The following ZFHX3 variants were observed in gnomAD, a reference collection of about 807,000 sequenced individuals.
The protein encoded by ZFHX3 is zinc finger homeobox 3, also known as zinc finger homeobox protein 3.
Under a neutral mutation model 279.1 loss-of-function variants are expected in ZFHX3, and 42 were observed. The ratio of observed to expected loss-of-function variants is 0.15; its 90% CI spans 0.12 to 0.19. The LOEUF is 0.19. Among genes scored for constraint, ZFHX3 ranks in the 10% least tolerant of loss-of-function variants. The pLI is 1.00. For missense variants in ZFHX3, 4,981 were observed against 4,754.0 expected, an observed-to-expected ratio of 1.05 and a Z score of -1.40; for synonymous variants, 2,293 against 1,957.8, an observed-to-expected ratio of 1.17 and a Z score of -4.52.
chr16:73,419,821 T>A (rs2017680588), intron 3 of ZFHX3, among the ~76,000 whole-genome samples: 2 of 152,172 alleles, frequency 1.3e-5, no homozygotes, highest in South Asian at 4.1e-4. Flanking sequence ...ACTTTTTGAA[T>A]CTAATGATAC....
intron 3 of ZFHX3, among the ~76,000 whole-genome samples, chr16:73,416,734 T>A (rs192057278): frequency 2.7e-5 from 4 of 149,322 alleles, no homozygotes; most frequent in African/African-American, 9.7e-5. Context: ...ATTAGCCGGG[T>A]GCGGTGGCGG....
At chr16:73,455,547 A>G (rs1323943465) in intron 3 of ZFHX3, among the ~76,000 whole-genome samples, 2 of 152,214 alleles carry the variant, frequency 1.3e-5, no homozygotes, top group Non-Finnish European at 2.9e-5. Context: ...GCAAAAGCTC[A>G]TAATTCAATG....
chr16:73,544,266 G>A (rs565396602), intron 2 of ZFHX3, among the ~76,000 whole-genome samples: 1 of 152,136 alleles, frequency 6.6e-6, no homozygotes, highest in East Asian at 1.9e-4. Context: ...TGCATGTGTC[G>A]GGGCTTCTCT....
chr16:72,807,891 C>T (rs2036318358), intron 7 of ZFHX3: 1 of 152,204 alleles, frequency 6.6e-6, no homozygotes, highest in Non-Finnish European at 1.5e-5. Context: ...ATCCTAGCCA[C>T]TCAGGGACAA....
chr16:73,775,199 AC>A (rs1959218969), intron 1 of ZFHX3, among the ~76,000 whole-genome samples: 1 of 152,182 alleles, frequency 6.6e-6, no homozygotes, highest in East Asian at 1.9e-4. Flanking sequence ...CAAGGTAAGC[AC>A]CTTCAACCCT....
At chr16:73,076,041 T>G (rs1424977172) in intron 8 of ZFHX3, among the ~76,000 whole-genome samples, 1 of 152,138 alleles carries the variant, frequency 6.6e-6, no homozygotes, top group Non-Finnish European at 1.5e-5. Context: ...AACAAATCAC[T>G]TAATCCTCAC....
chr16:73,270,727 A>C (rs2014120318), intron 4 of ZFHX3, among the ~76,000 whole-genome samples: 1 of 152,180 alleles, frequency 6.6e-6, no homozygotes, highest in African/African-American at 2.4e-5. Context: ...CCAGGGAAAG[A>C]GTTTAAAAAC....
chr16:73,483,920 C>G (rs887290345), intron 2 of ZFHX3, among the ~76,000 whole-genome samples: 6 of 139,120 alleles, frequency 4.3e-5, no homozygotes, highest in African/African-American at 8.5e-5. Flanking sequence ...GTTCCCCACC[C>G]TCTGCCTTTG....
chr16:73,203,915 T>C (rs1318985204), intron 5 of ZFHX3, among the ~76,000 whole-genome samples: 1 of 152,178 alleles, frequency 6.6e-6, no homozygotes, highest in Non-Finnish European at 1.5e-5. Context: ...GCTGGAATTG[T>C]TCTAAGAATT....
intron 2 of ZFHX3, among the ~76,000 whole-genome samples, chr16:73,526,326 G>A (rs910737927): frequency 5.3e-5 from 8 of 152,212 alleles, no homozygotes; most frequent in Non-Finnish European, 1.0e-4. Flanking sequence ...CTCTAGCAAG[G>A]CCTTATATTA....
intron 2 of ZFHX3, among the ~76,000 whole-genome samples, chr16:73,633,872 C>T (rs568433632): frequency 1.5e-4 from 22 of 150,440 alleles, no homozygotes; most frequent in South Asian, 6.3e-4. Context: ...CACTCCAGCC[C>T]GGGCGACAGA....
intron 1 of ZFHX3, among the ~76,000 whole-genome samples, chr16:73,042,530 T>TC (rs907457041): frequency 6.6e-6 from 1 of 151,910 alleles, no homozygotes; most frequent in African/African-American, 2.4e-5. Flanking sequence ...ACATGACCCC[T>TC]CCAGTGTGTA....
rs192379988 is a variant in ZFHX3, at chr16:73,841,017, G to A, written c.-1608+50634C>T. On this transcript the variant is annotated intron_variant, in intron 1 of 17. Coordinates refer to the ZFHX3 transcript ENST00000641206. The stretch of plus-strand genomic sequence containing the variant: ...GGAAAGCAGGTGGTGAAAAATGCAT[G>A]TGTTGACTACCATTCTCCAGGCTGG... Among the ~76,000 whole-genome samples, 14 of 152,316 alleles carry A rather than the reference G, an allele frequency of 9.2e-5. No homozygotes were observed. In the East Asian group the frequency reaches 2.7e-3, roughly 29 times the overall value.
chr16:73,011,334 G>A (rs1963911312), intron 1 of ZFHX3, among the ~76,000 whole-genome samples: 1 of 150,388 alleles, frequency 6.6e-6, no homozygotes, highest in Admixed American at 6.6e-5. Flanking sequence ...GTTTCCCTTT[G>A]TTGCCCAGCG....
intron 1 of ZFHX3, among the ~76,000 whole-genome samples, chr16:72,978,336 G>C (rs1962444510): frequency 6.6e-6 from 1 of 152,176 alleles, no homozygotes; most frequent in Non-Finnish European, 1.5e-5. Context: ...TACCGGAACT[G>C]ACACAGCTGG....
intron 3 of ZFHX3, among the ~76,000 whole-genome samples, chr16:73,380,857 C>T (rs1210314960): frequency 2.0e-5 from 3 of 152,086 alleles, no homozygotes; most frequent in South Asian, 2.1e-4. Context: ...GAACTTGGAC[C>T]CAGAGTTATA....
intron 1 of ZFHX3, among the ~76,000 whole-genome samples, chr16:73,839,960 C>A (rs1001017820): frequency 1.3e-5 from 2 of 152,178 alleles, no homozygotes; most frequent in African/African-American, 4.8e-5. Context: ...TTTCCCATTC[C>A]TGGACCCATC....
intron 5 of ZFHX3, among the ~76,000 whole-genome samples, chr16:72,825,491 T>C (rs1241735968): frequency 1.3e-5 from 2 of 152,246 alleles, no homozygotes; most frequent in Non-Finnish European, 2.9e-5. Context: ...CCTGTCTGTA[T>C]ACCTTTTGGC....
chr16:73,590,572 G>T (rs188683360), intron 2 of ZFHX3, among the ~76,000 whole-genome samples: 41 of 152,268 alleles, frequency 2.7e-4, no homozygotes, highest in African/African-American at 9.1e-4. Context: ...TAACATTTCT[G>T]ATGACACTAG....
Sources: allele counts gnomAD v4.1 joint callset (sites outside exome capture counted in the v4.1 genomes callset), GRCh38; gene constraint gnomAD v4.1.1; transcripts MANE v1.5; gene names NCBI Gene and HGNC (gene_info 2026-07-23, HGNC 2026-07-21).